The following BMPR1A variants were observed in gnomAD, a reference collection of about 807,000 sequenced individuals.
BMPR1A encodes bone morphogenetic protein receptor type 1A.
Under a neutral mutation model 66.0 loss-of-function variants are expected in BMPR1A, and 7 were observed. The observed-to-expected ratio is 0.11, with a 90% CI of 0.06 to 0.20. The LOEUF (loss-of-function observed/expected upper bound fraction) is 0.20, where lower values mean the gene tolerates loss of function less well. Ranked by LOEUF, BMPR1A falls within the 10% of genes least tolerant of loss-of-function variation. The probability of loss-of-function intolerance (pLI) is 1.00; values close to 1 mark genes in which losing one functional copy is unlikely to be tolerated. For synonymous variants in BMPR1A, 200 were observed against 229.7 expected, an observed-to-expected ratio of 0.87 and a Z score of 1.17; for missense variants, 408 against 669.1, an observed-to-expected ratio of 0.61 and a Z score of 4.31.
At chr10:86,903,605 A>T (rs1042604458) in intron 7 of BMPR1A, among the ~76,000 whole-genome samples, 3 of 151,046 alleles carry the variant, frequency 2.0e-5, no homozygotes, top group East Asian at 1.9e-4. Flanking sequence ...TATTATTTTT[A>T]TTTATTTATT....
chr10:86,870,545 C>G (rs1374360903), intron 2 of BMPR1A, among the ~76,000 whole-genome samples: 4 of 152,010 alleles, frequency 2.6e-5, no homozygotes, highest in African/African-American at 9.7e-5. Flanking sequence ...ACCTCAGCCT[C>G]CCTAGTGTCT....
At chr10:86,891,188 A>T (rs1352409256) in intron 4 of BMPR1A, among the ~76,000 whole-genome samples, 2 of 152,128 alleles carry the variant, frequency 1.3e-5, no homozygotes, top group African/African-American at 2.4e-5. Flanking sequence ...TGCGTGGCTG[A>T]CTGTGACTAG....
At chr10:86,860,984 G>GGCGCCCGCCACC (rs1410435213) in intron 2 of BMPR1A, among the ~76,000 whole-genome samples, 1 of 151,538 alleles carries the variant, frequency 6.6e-6, no homozygotes, top group East Asian at 2.0e-4. Flanking sequence ...TGGGACTACA[G>GGCGCCCGCCACC]GCGCCCGCCA....
chr10:86,929,722 T>A (rs1162513340), downstream of BMPR1A: 1 of 152,214 alleles, frequency 6.6e-6, no homozygotes, highest in Non-Finnish European at 1.5e-5. Context: ...CAGCTTTCCT[T>A]CTGTCTGTGG....
intron 1 of BMPR1A, among the ~76,000 whole-genome samples, chr10:86,762,608 C>T (rs888148510): frequency 6.6e-6 from 1 of 152,204 alleles, no homozygotes; most frequent in Non-Finnish European, 1.5e-5. Context: ...ATCCTTCCGC[C>T]TTGGCCTCCC....
At chr10:86,790,182 AAAAAAAATATATATATATATATAT>A (rs1841586111) in intron 1 of BMPR1A, among the ~76,000 whole-genome samples, 5 of 41,932 alleles carry the variant, frequency 1.2e-4, no homozygotes, top group African/African-American at 8.4e-4. Flanking sequence ...AAAAAAAAAA[AAAAAAAATATATATATATATATAT>A]ATATATATAT....
chr10:86,772,479 A>T (rs1404386994), intron 1 of BMPR1A, among the ~76,000 whole-genome samples: 3 of 152,120 alleles, frequency 2.0e-5, no homozygotes, highest in African/African-American at 7.2e-5. Flanking sequence ...CTCTTAAAAT[A>T]AATGACCTTG....
intron 4 of BMPR1A, among the ~76,000 whole-genome samples, chr10:86,891,832 A>G (rs1296915113): frequency 6.6e-6 from 1 of 152,254 alleles, no homozygotes; most frequent in Non-Finnish European, 1.5e-5. Flanking sequence ...TTCTGTGATC[A>G]CATGACTGAT....
In BMPR1A at chr10:86,909,973, A is replaced by T. The variant is rs1009652807; in HGVS notation, c.531-2267A>T. On this transcript the variant is annotated intron_variant, in intron 7 of 12. Transcript: ENST00000372037. ...CAAAGTTCCAAATTCAGTAATTCCT[A>T]CTACAGATATGGTAGAAAATTGTAT... Among the ~76,000 whole-genome samples the T allele has an allele frequency of 2.6e-5, 4 of 152,278 alleles. No individual in the cohort carries two copies. The East Asian group carries it at 7.7e-4, about 29-fold the overall frequency.
In BMPR1A at chr10:86,793,641, C is replaced by A. The variant is rs540886966; in HGVS notation, c.-268+36722C>A. 2.0e-5 allele frequency among the ~76,000 whole-genome samples: 3 copies of A among 152,160 alleles called. No homozygotes were observed. In the East Asian group the frequency reaches 5.8e-4, roughly 29 times the overall value. Reference sequence around the variant, plus strand: ...CTGGGATTACAGGTGAGCCACTGCGCCAGGCCTGACAGATAGTTTTTTTAG... The same window carrying A: ...CTGGGATTACAGGTGAGCCACTGCGACAGGCCTGACAGATAGTTTTTTTAG... On this transcript the variant is annotated intron_variant, in intron 1 of 12. Coordinates refer to ENST00000372037, the MANE Select transcript of BMPR1A (RefSeq NM_004329.3).
At chr10:86,766,823 T>C (rs1841170807) in intron 1 of BMPR1A, among the ~76,000 whole-genome samples, 3 of 147,602 alleles carry the variant, frequency 2.0e-5, no homozygotes, top group Admixed American at 2.0e-4. Flanking sequence ...TTAGCCAGGA[T>C]GGTTTTTTTT....
downstream of BMPR1A, chr10:86,928,290 T>G (rs1843775367): frequency 6.7e-6 from 1 of 148,438 alleles, no homozygotes; most frequent in African/African-American, 2.5e-5. Context: ...TGGCACGATC[T>G]CAGCTCACTG....
Position 86,900,070 on chromosome 10 carries a change from T to C in BMPR1A, c.474T>C (p.Ile158=), listed in dbSNP as rs759223499. 6 of 1,614,046 alleles carry C rather than the reference T, an allele frequency of 3.7e-6. No individual in the cohort carries two copies. Among genetic ancestry groups the C allele is most frequent in the Non-Finnish European group, 5.1e-6 (6 of 1,180,056 alleles). Reference sequence around the variant, plus strand: ...GCATTCGATGGCTGGTTTTGCTCATTTCTATGGCTGTCTGCATAATTGCTA... The same window carrying C: ...GCATTCGATGGCTGGTTTTGCTCATCTCTATGGCTGTCTGCATAATTGCTA... ...DGSIRWLVLL[I]SMAVCIIAMI... Residue 158 remains isoleucine (I), a synonymous_variant, in exon 7 of 13, where the codon ATT becomes ATC. Transcript: ENST00000372037.
intron 1 of BMPR1A, among the ~76,000 whole-genome samples, chr10:86,780,973 G>C (rs1841428446): frequency 6.6e-6 from 1 of 152,114 alleles, no homozygotes. Context: ...ACAGTGCTGG[G>C]ATTACAGGTG....
At chr10:86,860,973 C>G (rs893464015) in intron 2 of BMPR1A, among the ~76,000 whole-genome samples, 1 of 151,254 alleles carries the variant, frequency 6.6e-6, no homozygotes, top group South Asian at 2.1e-4. Context: ...TCCCCAGTAG[C>G]TGGGACTACA....
At chr10:86,873,169 C>T (rs1289784786) in intron 2 of BMPR1A, among the ~76,000 whole-genome samples, 1 of 152,078 alleles carries the variant, frequency 6.6e-6, no homozygotes, top group Admixed American at 6.6e-5. Context: ...GAAACAGTGA[C>T]AATGAAAGAT....
rs1589288578 is a variant in BMPR1A at position 86,912,294 on chromosome 10, G to C, written c.585G>C (p.Gln195His). 1.2e-6 allele frequency: 2 copies of C among 1,613,988 alleles called. No homozygotes were observed. Among genetic ancestry groups the C allele is most frequent in the Non-Finnish European group, 1.7e-6 (2 of 1,179,938 alleles). The change falls in exon 8 of 13, where the codon CAG becomes CAC. Residue 195 changes from glutamine (Q) to histidine (H), a missense_variant. Physicochemically the swap from Gln to His is conservative, Grantham distance 24 (BLOSUM62 0). This residue lies in a region of BMPR1A where 174 missense variants were observed against 265.1 expected (regional missense o/e 0.66). Transcript: ENST00000372037. ...SRRRYNRDLE[Q>H]DEAFIPVGES... ...GTCGTTACAATCGTGATTTGGAACA[G>C]GATGAAGCATTTATTCCAGTTGGAG...
Position 86,866,408 on chromosome 10 carries a change from T to TTTTC in BMPR1A, c.-152-9456_-152-9455insCTTT, listed in dbSNP as rs1554885987. Among the ~76,000 whole-genome samples, 6 of 110,454 alleles carry TTTTC rather than the reference T, an allele frequency of 5.4e-5. 1 individual carries two copies. Among genetic ancestry groups the TTTTC allele is most frequent in the Non-Finnish European group, 1.0e-4 (6 of 57,650 alleles). 72.5% of individuals were successfully genotyped at this position (110,454 alleles called of 152,430 possible). A position where few individuals can be genotyped will look rare whatever the true frequency, so the allele number is the denominator to read the frequency against. On this transcript the variant is annotated intron_variant, in intron 2 of 12. Transcript: ENST00000372037. ...TTGGGCAAGTTTCTTTCTTTTTTTT[T>TTTTC]TTTTTTTTTTTTTTTTTTGAGATGG... is the stretch of plus-strand genomic sequence containing the variant.
chr10:86,826,839 A>C (rs1842202881), intron 1 of BMPR1A, among the ~76,000 whole-genome samples: 1 of 152,104 alleles, frequency 6.6e-6, no homozygotes, highest in African/African-American at 2.4e-5. Context: ...AAATTATAGA[A>C]AGTGCTATAA....
Sources: gnomAD v4.1 joint callset for allele counts (sites outside exome capture counted in the v4.1 genomes callset) on GRCh38, gnomAD v4.1.1 for gene constraint, gnomAD v4.1.1 regional missense constraint, MANE v1.5 for transcripts, NCBI Gene and HGNC (gene_info 2026-07-23, HGNC 2026-07-21) for gene names.